The following PHKB variants were observed in gnomAD, a reference collection of about 807,000 sequenced individuals.
PHKB encodes phosphorylase b kinase regulatory subunit beta.
A neutral mutation model predicts 152.1 loss-of-function variants in PHKB; 122 were observed. The ratio of observed to expected loss-of-function variants is 0.80; its 90% CI spans 0.69 to 0.93. PHKB has a LOEUF of 0.93. Ranked by LOEUF, PHKB falls within the 40% of genes least tolerant of loss-of-function variation. The pLI is 0.00. For missense variants in PHKB, 1,304 were observed against 1,328.4 expected (o/e 0.98, Z 0.29); for synonymous variants, 436 against 464.9 (o/e 0.94, Z 0.80).
At chr16:47,629,169 A>T (rs1238839070) in intron 14 of PHKB, among the ~76,000 whole-genome samples, 1 of 152,138 alleles carries the variant, frequency 6.6e-6, no homozygotes, top group Non-Finnish European at 1.5e-5. Flanking sequence ...CAAAATTGAC[A>T]AATGGGATCT....
At chr16:47,693,539 G>A (rs1351142697) in intron 28 of PHKB, 32 bp downstream of exon 28, 1 of 1,612,496 alleles carries the variant, frequency 6.2e-7, no homozygotes. Context: ...ATAAAGAAAG[G>A]AGACTTCGCA....
chr16:47,531,349 AC>A (rs1165956967), intron 6 of PHKB, among the ~76,000 whole-genome samples: 1 of 152,176 alleles, frequency 6.6e-6, no homozygotes, highest in Non-Finnish European at 1.5e-5. Context: ...GGGTGTTCAA[AC>A]TTTTTGATCT....
chr16:47,534,204 C>T (rs562012767), intron 6 of PHKB, among the ~76,000 whole-genome samples: 69 of 152,290 alleles, frequency 4.5e-4, no homozygotes, highest in Non-Finnish European at 8.7e-4. Context: ...GATGGCCCAC[C>T]GCTGCCATCA....
intron 7 of PHKB, among the ~76,000 whole-genome samples, chr16:47,549,564 A>G (rs1329819010): frequency 6.6e-6 from 1 of 152,070 alleles, no homozygotes; most frequent in Non-Finnish European, 1.5e-5. Context: ...GCATGGTGGC[A>G]TGCGCCTGTA....
intron 6 of PHKB, among the ~76,000 whole-genome samples, chr16:47,525,873 T>A (rs1342634471): frequency 6.6e-6 from 1 of 152,136 alleles, no homozygotes; most frequent in East Asian, 1.9e-4. Flanking sequence ...TATAAAAGCA[T>A]AATGAGGAAG....
At chr16:47,676,075 A>C (rs2142086446) in intron 26 of PHKB, 2 of 152,338 alleles carry the variant, frequency 1.3e-5, no homozygotes, top group Middle Eastern at 6.8e-3. Context: ...CAGCAAATAC[A>C]TACTCAGTAT....
chr16:47,480,452 G>C (rs1006103593), intron 1 of PHKB, among the ~76,000 whole-genome samples: 5 of 152,014 alleles, frequency 3.3e-5, no homozygotes, highest in Admixed American at 6.5e-5. Context: ...TTTTTCCTAA[G>C]TATCCTTGTA....
In PHKB at chr16:47,593,545, A is replaced by T; in HGVS notation, c.1114A>T (p.Met372Leu). 1 of 1,485,188 alleles carries T rather than the reference A, an allele frequency of 6.7e-7. No individual in the cohort carries two copies. The highest frequency in any genetic ancestry group is 9.4e-7 in the Non-Finnish European group (1 of 1,062,960). 92.0% of individuals were successfully genotyped at this position (1,485,188 alleles called of 1,614,324 possible). Residue 372 changes from methionine (M) to leucine (L), a missense_variant, in exon 11 of 31, where the codon ATG (methionine) becomes TTG (leucine). Coordinates refer to ENST00000323584, the MANE Select transcript of PHKB (RefSeq NM_000293.3). The part of the protein sequence containing the change: ...ECEFPIFFLY[M>L]MIDGVFRGNP... Reference sequence around the variant, plus strand: ...TGAATTTCCCATATTTTTCCTTTATATGATGATTGATGGTAAGTAAGCTTT... The same window carrying T: ...TGAATTTCCCATATTTTTCCTTTATTTGATGATTGATGGTAAGTAAGCTTT...
Position 47,597,518 on chromosome 16 carries a change from T to C in PHKB, c.1363+987T>C, listed in dbSNP as rs569534394. Among the ~76,000 whole-genome samples the C allele has an allele frequency of 2.0e-5, 3 of 152,220 alleles. No homozygotes were observed. In the South Asian group the frequency reaches 6.2e-4, roughly 32 times the overall value. ...CCTAACTATATTTTCTGGGTCTCCA[T>C]ATATACCTAATGCTAATTTAAGAAC... On this transcript the variant is annotated intron_variant, in intron 13 of 30. Coordinates refer to ENST00000323584, the MANE Select transcript of PHKB (RefSeq NM_000293.3).
At chr16:47,682,366 T>C (rs1973876631) in intron 26 of PHKB, among the ~76,000 whole-genome samples, 1 of 152,214 alleles carries the variant, frequency 6.6e-6, no homozygotes, top group African/African-American at 2.4e-5. Flanking sequence ...GTTTTCCAAC[T>C]TGGTTCCATT....
Position 47,650,563 on chromosome 16 carries a change from A to G in PHKB, c.1817A>G (p.Lys606Arg). 1 of 1,606,362 alleles carries G rather than the reference A, an allele frequency of 6.2e-7. No homozygotes were observed. Among genetic ancestry groups the G allele is most frequent in the Non-Finnish European group, 8.5e-7 (1 of 1,173,066 alleles). ...TGACAGAATGCGCTGCAGTTCATTA[A>G]ACAATATTGGAAAATGCATGGACGT... ...DDIKNALQFI[K>R]QYWKMHGRPL... Residue 606 changes from lysine (K) to arginine (R), a missense_variant, in exon 19 of 31, where the codon AAA becomes AGA. Lys to Arg is a conservative substitution (Grantham distance 26). Coordinates refer to ENST00000323584, the MANE Select transcript of PHKB (RefSeq NM_000293.3).
At chr16:47,497,645 C>T (rs549417646) in intron 2 of PHKB, among the ~76,000 whole-genome samples, 157 bp downstream of exon 2, 91 of 152,116 alleles carry the variant, frequency 6.0e-4, no homozygotes, top group South Asian at 1.2e-3. Flanking sequence ...AATTGTATGT[C>T]GATATCAGGA....
At chr16:47,503,213 G>A (rs975456397) in intron 4 of PHKB, 123 bp downstream of exon 4, 4 of 744,388 alleles carry the variant, frequency 5.4e-6, no homozygotes, top group African/African-American at 1.7e-5. Context: ...ATCCTAGGGC[G>A]GCCTAGATAG....
At chr16:47,519,924 GT>G (rs1276778440) in intron 6 of PHKB, among the ~76,000 whole-genome samples, 5 of 152,016 alleles carry the variant, frequency 3.3e-5, no homozygotes, top group South Asian at 2.1e-4. Context: ...TATTTACTAA[GT>G]TGTTGTGTAC....
chr16:47,547,101 G>A (rs894057985), intron 6 of PHKB, among the ~76,000 whole-genome samples: 8 of 152,276 alleles, frequency 5.3e-5, no homozygotes, highest in Non-Finnish European at 7.4e-5. Flanking sequence ...CTCGCCTTCC[G>A]TGGGCTGCAT....
intron 30 of PHKB, 84 bp downstream of exon 30, chr16:47,698,672 C>T (rs1974197155): frequency 8.9e-7 from 1 of 1,121,048 alleles, no homozygotes; most frequent in Non-Finnish European, 1.2e-6. Flanking sequence ...AATCTCTTTT[C>T]ATTTACTTTA....
intron 26 of PHKB, among the ~76,000 whole-genome samples, chr16:47,677,359 C>T (rs746420679): frequency 5.3e-5 from 8 of 152,226 alleles, no homozygotes; most frequent in Admixed American, 6.5e-5. Flanking sequence ...AGCTTTCCAT[C>T]GTCTGTCATT....
At position 47,499,901 on chromosome 16, in the gene PHKB, T is replaced by G; in HGVS notation, c.305+7T>G. On this transcript the variant is annotated splice_region_variant and intron_variant, in intron 3 of 30. Coordinates refer to ENST00000323584, the MANE Select transcript of PHKB (RefSeq NM_000293.3). ...CTTTGGCTCTTGCATACAGGTGAGC[T>G]GGTGTGTGTTCTCCTCGTAACTTTG... is the stretch of plus-strand genomic sequence containing the variant. 1 of 1,614,106 alleles carries G rather than the reference T, an allele frequency of 6.2e-7. No individual in the cohort carries two copies.
intron 13 of PHKB, among the ~76,000 whole-genome samples, chr16:47,601,088 ATGGCT>A (rs1972216568): frequency 6.6e-6 from 1 of 152,090 alleles, no homozygotes; most frequent in Non-Finnish European, 1.5e-5. Flanking sequence ...ATGATGGTGC[ATGGCT>A]GTAGTCCCAG....
Sources: allele counts gnomAD v4.1 joint callset (sites outside exome capture counted in the v4.1 genomes callset), GRCh38; gene constraint gnomAD v4.1.1; transcripts MANE v1.5; gene names NCBI Gene and HGNC (gene_info 2026-07-23, HGNC 2026-07-21).